Variants in GFPT1 observed in about 807,000 individuals in gnomAD.
GFPT1 encodes glutamine--fructose-6-phosphate aminotransferase [isomerizing] 1.
A neutral mutation model predicts 92.0 loss-of-function variants in GFPT1; 40 were observed. The observed-to-expected ratio is 0.43, with a 90% CI of 0.34 to 0.57. GFPT1 has a LOEUF of 0.57. Among genes scored for constraint, GFPT1 ranks in the 20% least tolerant of loss-of-function variants. The pLI, the probability that GFPT1 is intolerant of heterozygous loss-of-function variation, is 0.02. For synonymous variants in GFPT1, 269 were observed against 280.6 expected (o/e 0.96, Z 0.41); for missense variants, 448 against 869.1 (o/e 0.52, Z 6.09).
rs1670491848 is a variant in GFPT1, at chr2:69,324,801, C to T, written c.*1388G>A. The T allele has an allele frequency of 6.6e-6, 1 of 152,114 alleles. No individual in the cohort carries two copies. Among genetic ancestry groups the T allele is most frequent in the Non-Finnish European group, 1.5e-5 (1 of 68,002 alleles). The allele number at this position is 152,114 out of a possible 1,614,324, so 9.4% of individuals were successfully genotyped here. On this transcript the variant is annotated 3_prime_UTR_variant, in exon 20 of 20. Coordinates refer to ENST00000357308, the MANE Select transcript of GFPT1 (RefSeq NM_001244710.2). ...CTTCACCAAAAACAAACACACTCTC[C>T]TATAGCCCTGAAGATCTGGCCAGAA... is the stretch of plus-strand genomic sequence containing the variant.
intron 13 of GFPT1, among the ~76,000 whole-genome samples, chr2:69,340,634 G>C (rs1168713512): frequency 6.6e-6 from 1 of 151,162 alleles, no homozygotes; most frequent in African/African-American, 2.4e-5. Context: ...AGTTATTCAG[G>C]ATATAGATAC....
chr2:69,337,817 G>C (rs1670837894), intron 15 of GFPT1, 81 bp downstream of exon 15: 2 of 1,118,322 alleles, frequency 1.8e-6, no homozygotes, highest in Non-Finnish European at 1.4e-6. Flanking sequence ...ACAAAAATAA[G>C]ATACAGACTA....
chr2:69,351,758 A>C (rs547241652), intron 9 of GFPT1, among the ~76,000 whole-genome samples: 1 of 152,356 alleles, frequency 6.6e-6, no homozygotes, highest in East Asian at 1.9e-4. Flanking sequence ...ATGTAAGATG[A>C]CATCCAAGAA....
At position 69,329,727 on chromosome 2, in the gene GFPT1, T is replaced by C. The variant is rs745919091; in HGVS notation, c.1554A>G (p.Gln518=). 8.7e-6 allele frequency: 14 copies of C among 1,613,344 alleles called. No individual in the cohort carries two copies. The African/African-American group carries it at 1.3e-4, about 15-fold the overall frequency. Residue 518 remains glutamine (Q), a synonymous_variant, in exon 16 of 20, where the codon CAA becomes CAG. Transcript: ENST00000357308. ...CAAGCATGATCTCTTTGCGTCTTTC[T>C]TGCATGGAGATCCGATCATCACACA... ...LMMCDDRISM[Q]ERRKEIMLGL...
rs1670405224 is a variant in GFPT1 at position 69,321,605 on chromosome 2, G to A, written c.*4584C>T. The A allele has an allele frequency of 6.6e-6, 1 of 152,204 alleles. No homozygotes were observed. The highest frequency in any genetic ancestry group is 6.5e-5 in the Admixed American group (1 of 15,286). 9.4% of individuals were successfully genotyped at this position (152,204 alleles called of 1,614,324 possible). On this transcript the variant is annotated 3_prime_UTR_variant, in exon 20 of 20. Coordinates refer to ENST00000357308, the MANE Select transcript of GFPT1 (RefSeq NM_001244710.2). ...GAGGAAGAAATGACCAACTGGCTCA[G>A]TAAACTAAACATTCATTTCAAAAAT...
chr2:69,387,033 G>A (rs749922274), intron 1 of GFPT1, 32 bp downstream of exon 1: 4 of 1,504,544 alleles, frequency 2.7e-6, no homozygotes, highest in Non-Finnish European at 3.6e-6. Flanking sequence ...AGCGCCACCC[G>A]GCAACACGCC....
chr2:69,353,089 T>G (rs1384588503), intron 9 of GFPT1, among the ~76,000 whole-genome samples: 1 of 151,460 alleles, frequency 6.6e-6, no homozygotes, highest in Non-Finnish European at 1.5e-5. Context: ...TATCAATGTC[T>G]GTTTAAATGA....
chr2:69,368,833 CTTAT>C (rs201338040), intron 3 of GFPT1, among the ~76,000 whole-genome samples: 9 of 152,198 alleles, frequency 5.9e-5, no homozygotes, highest in Non-Finnish European at 1.0e-4. Context: ...TCTAGCCTCC[CTTAT>C]TTGTCTACCA....
At chr2:69,328,228 C>CCCT in intron 18 of GFPT1, 43 bp downstream of exon 18, 1 of 1,470,474 alleles carries the variant, frequency 6.8e-7, no homozygotes, top group Non-Finnish European at 9.5e-7. Flanking sequence ...AGCGTAACTC[C>CCCT]CCTCTTTGAT....
At chr2:69,387,027 C>CCG (rs1440456710) in intron 1 of GFPT1, 38 bp downstream of exon 1, 1 of 1,479,554 alleles carries the variant, frequency 6.8e-7, no homozygotes, top group Admixed American at 1.9e-5. Flanking sequence ...CACCCCAGCG[C>CCG]CACCCGGCAA....
At chr2:69,364,481 T>C (rs1035032668) in intron 3 of GFPT1, among the ~76,000 whole-genome samples, 1 of 152,254 alleles carries the variant, frequency 6.6e-6, no homozygotes, top group Non-Finnish European at 1.5e-5. Flanking sequence ...AAAGTCATTA[T>C]CAATTTAATT....
In GFPT1 at chr2:69,324,635, T is replaced by C. The variant is rs2104591338; in HGVS notation, c.*1554A>G. ...TTCTATGCTTCTCTGGCAACAACAA[T>C]AACTATTAGAAAATCTTAACCTCAC... is the stretch of plus-strand genomic sequence containing the variant. On this transcript the variant is annotated 3_prime_UTR_variant, in exon 20 of 20. Transcript: ENST00000357308. 6.6e-6 allele frequency: 1 copy of C among 151,916 alleles called. No homozygotes were observed. The highest frequency in any genetic ancestry group is 6.6e-5 in the Admixed American group (1 of 15,252). 9.4% of individuals were successfully genotyped at this position (151,916 alleles called of 1,614,324 possible).
intron 8 of GFPT1, 85 bp from the exon 9 acceptor site, chr2:69,354,397 T>C: frequency 3.9e-6 from 5 of 1,284,906 alleles, no homozygotes; most frequent in Non-Finnish European, 5.7e-6. Flanking sequence ...GAACTATATA[T>C]ACATGTGCAT....
chr2:69,338,074 A>C lies in GFPT1; in HGVS notation c.1325-19T>G. 6.2e-7 allele frequency: 1 copy of C among 1,612,718 alleles called. No individual in the cohort carries two copies. Among genetic ancestry groups the C allele is most frequent in the Non-Finnish European group, 8.5e-7 (1 of 1,178,658 alleles). On this transcript the variant is annotated intron_variant, in intron 14 of 19. Transcript: ENST00000357308. The stretch of plus-strand genomic sequence containing the variant: ...GTCTCACCTGTGTAAAAAGTAGGCC[A>C]ACCATAACACACAGAACAGTTTTAA...
At chr2:69,385,015 G>C (rs970642193) in intron 1 of GFPT1, among the ~76,000 whole-genome samples, 2 of 152,058 alleles carry the variant, frequency 1.3e-5, no homozygotes, top group African/African-American at 4.8e-5. Context: ...CCTATCCCTA[G>C]AATCAGGCAA....
chr2:69,354,270 T>C lies in GFPT1; in HGVS notation c.728A>G (p.Gln243Arg). 1.3e-6 allele frequency: 2 copies of C among 1,589,946 alleles called. No individual in the cohort carries two copies. The highest frequency in any genetic ancestry group is 1.7e-6 in the Non-Finnish European group (2 of 1,174,496). ...IGSKFTRWGS[Q>R]GERGKDKKGS... The stretch of plus-strand genomic sequence containing the variant: ...AGTGCATTTCCCACCTCTTTCTCCC[T>C]GTGATCCCCACCGTGTGAATTTTGA... Residue 243 changes from glutamine (Q) to arginine (R), a missense_variant, in exon 9 of 20, where the codon CAG becomes CGG. Physicochemically the swap from Gln to Arg is conservative, Grantham distance 43. Transcript: ENST00000357308.
At chr2:69,343,542 C>G (rs1456850611) in intron 12 of GFPT1, among the ~76,000 whole-genome samples, 1 of 151,944 alleles carries the variant, frequency 6.6e-6, no homozygotes, top group Non-Finnish European at 1.5e-5. Flanking sequence ...TCCTTAGTAG[C>G]TGGGATTACA....
intron 1 of GFPT1, among the ~76,000 whole-genome samples, chr2:69,378,973 A>G (rs966393314): frequency 6.6e-6 from 1 of 152,162 alleles, no homozygotes; most frequent in Admixed American, 6.5e-5. Context: ...GTAGGCCAGG[A>G]GCAGTGGCTC....
intron 15 of GFPT1, among the ~76,000 whole-genome samples, chr2:69,333,090 G>A (rs576840761): frequency 2.0e-5 from 3 of 151,910 alleles, no homozygotes; most frequent in Non-Finnish European, 2.9e-5. Flanking sequence ...CTCTGCCTCC[G>A]AGACTAATGA....
Sources: gnomAD v4.1 joint callset for allele counts (sites outside exome capture counted in the v4.1 genomes callset) on GRCh38, gnomAD v4.1.1 for gene constraint, MANE v1.5 for transcripts, NCBI Gene and HGNC (gene_info 2026-07-23, HGNC 2026-07-21) for gene names.